Variants in CHCT1 observed in about 807,000 individuals in gnomAD.
CHCT1 encodes the protein CHD1 helical C-terminal domain containing 1.
At chr17:60,421,602 C>T in the CHCT1 span, 2 of 982,136 alleles carry the variant, frequency 2.0e-6, no homozygotes, top group African/African-American at 1.7e-5. Flanking sequence ...GCGGGGGCAA[C>T]GGTCTCTCGT....
chr17:60,422,181 C>A, the CHCT1 span: 1 of 278,548 alleles, frequency 3.6e-6, no homozygotes, highest in African/African-American at 2.3e-5. Context: ...GGGGAGCCCC[C>A]ACCACGGCGT....
the CHCT1 span, chr17:60,421,256 AACG>A: frequency 1.5e-6 from 1 of 672,592 alleles, no homozygotes; most frequent in Non-Finnish European, 1.8e-6. Context: ...CAACAACAAC[AACG>A]ACAACAATAA....
the CHCT1 span, among the ~76,000 whole-genome samples, chr17:60,424,380 G>C: frequency 1.3e-5 from 2 of 152,134 alleles, no homozygotes; most frequent in Non-Finnish European, 2.9e-5. Context: ...TTCCCCCAAG[G>C]AGCTGCTTAA....
chr17:60,421,412 G>T, the CHCT1 span: 1 of 985,670 alleles, frequency 1.0e-6, no homozygotes, highest in Non-Finnish European at 1.2e-6. Context: ...CGAGGTGGCC[G>T]CTGGGTGGCA....
the CHCT1 span, chr17:60,429,445 G>A: frequency 6.2e-7 from 1 of 1,614,248 alleles, no homozygotes; most frequent in East Asian, 2.2e-5. Context: ...GCCATGCATG[G>A]GGGCTGCACA....
At chr17:60,426,882 G>C in the CHCT1 span, 2 of 1,540,166 alleles carry the variant, frequency 1.3e-6, no homozygotes, top group Non-Finnish European at 1.7e-6. Context: ...TAGACTTGCG[G>C]GGAGGCCTGG....
the CHCT1 span, chr17:60,422,583 AC>A: frequency 6.5e-7 from 1 of 1,550,188 alleles, no homozygotes; most frequent in East Asian, 2.4e-5. Flanking sequence ...CTACCGGCAC[AC>A]CTGCTGAGAT....
chr17:60,426,610 G>T, the CHCT1 span: 40 of 1,370,906 alleles, frequency 2.9e-5, no homozygotes, highest in Non-Finnish European at 3.6e-5. Flanking sequence ...AAACCCCAAA[G>T]GGGCATGTGG....
chr17:60,429,321 C>T, the CHCT1 span: 28 of 1,582,556 alleles, frequency 1.8e-5, no homozygotes, highest in Admixed American at 4.0e-4. Context: ...TCAGGTCCCC[C>T]TCTTCTCAAC....
chr17:60,429,572 G>C, the CHCT1 span: 1 of 1,610,676 alleles, frequency 6.2e-7, no homozygotes, highest in Admixed American at 1.7e-5. Flanking sequence ...TGACCATTTG[G>C]TGTTGGGGTG....
At chr17:60,422,036 C>CGG in the CHCT1 span, 1 of 832,292 alleles carries the variant, frequency 1.2e-6, no homozygotes, top group Non-Finnish European at 1.4e-6. Context: ...GCACCCAGCA[C>CGG]GGAGGGCTTA....
At chr17:60,426,093 T>A in the CHCT1 span, 1 of 1,489,120 alleles carries the variant, frequency 6.7e-7, no homozygotes, top group Non-Finnish European at 9.1e-7. Context: ...GTGTGCTGGA[T>A]ACCTGGGACT....
the CHCT1 span, among the ~76,000 whole-genome samples, chr17:60,425,614 T>G: frequency 4.1e-4 from 63 of 152,206 alleles, no homozygotes; most frequent in Non-Finnish European, 1.9e-4. Flanking sequence ...AGCAGAGATT[T>G]TCAGAGATGG....
the CHCT1 span, chr17:60,421,785 C>T: frequency 5.3e-6 from 5 of 936,668 alleles, no homozygotes; most frequent in Non-Finnish European, 6.4e-6. Context: ...CTGGAGGGCT[C>T]GCGGGTAGGA....
chr17:60,421,358 C>G, the CHCT1 span: 1 of 985,486 alleles, frequency 1.0e-6, no homozygotes, highest in South Asian at 4.7e-5. Context: ...CTCCGGGCCT[C>G]CGGGCTACCC....
the CHCT1 span, chr17:60,429,411 G>A: frequency 1.1e-5 from 17 of 1,614,188 alleles, no homozygotes; most frequent in East Asian, 4.5e-5. Context: ...CTGGCCGACC[G>A]GGAAGACAGT....
the CHCT1 span, chr17:60,426,129 A>G: frequency 7.8e-6 from 12 of 1,546,632 alleles, no homozygotes; most frequent in Non-Finnish European, 1.0e-5. Context: ...CTTTTCTCCC[A>G]TGGCCCCTCA....
At chr17:60,429,603 G>A in the CHCT1 span, 3 of 1,579,810 alleles carry the variant, frequency 1.9e-6, no homozygotes, top group South Asian at 1.1e-5. Flanking sequence ...CCAGGAGTTT[G>A]TGAGTGGTGT....
chr17:60,422,270 G>A, the CHCT1 span: 2 of 399,044 alleles, frequency 5.0e-6, no homozygotes, highest in East Asian at 7.3e-5. Flanking sequence ...ATCAGCATCT[G>A]ACAGTATTCT....
Sources: gnomAD v4.1 joint callset for allele counts (sites outside exome capture counted in the v4.1 genomes callset) on GRCh38, gnomAD v4.1.1 for gene constraint, MANE v1.5 for transcripts, NCBI Gene and HGNC (gene_info 2026-07-23, HGNC 2026-07-21) for gene names.